The following TBC1D14 variants were observed in gnomAD, a reference collection of about 807,000 sequenced individuals.
TBC1D14 encodes TBC1 domain family member 14.
TBC1D14 carries 26 observed loss-of-function variants against 79.0 expected under a neutral mutation model. The ratio of observed to expected loss-of-function variants is 0.33; its 90% CI spans 0.24 to 0.46. The LOEUF is 0.46. Ranked by LOEUF, TBC1D14 falls within the 20% of genes least tolerant of loss-of-function variation. TBC1D14 has a pLI of 1.00. For missense variants in TBC1D14, 769 were observed against 887.6 expected, an observed-to-expected ratio of 0.87 and a Z score of 1.70; for synonymous variants, 394 against 349.9, an observed-to-expected ratio of 1.13 and a Z score of -1.40.
Position 6,994,285 on chromosome 4 carries a change from C to T in TBC1D14, c.945C>T (p.Ile315=), listed in dbSNP as rs1718792201. 6.2e-7 allele frequency: 1 copy of T among 1,614,002 alleles called. No homozygotes were observed. The change falls in exon 4 of 14, where the codon ATC becomes ATT. Residue 315 remains isoleucine, a synonymous_variant. Coordinates refer to ENST00000409757, the MANE Select transcript of TBC1D14 (RefSeq NM_020773.3). Reference sequence around the variant, plus strand: ...AACCACTTTCCACCACCGCACTCATCCTCGAGGACAGACCAGCGTGAGTTT... The same window carrying T: ...AACCACTTTCCACCACCGCACTCATTCTCGAGGACAGACCAGCGTGAGTTT... ...DFEPLSTTAL[I]LEDRPANLPA... is the part of the protein sequence containing the mutation.
chr4:6,985,649 A>T (rs1309728488), intron 3 of TBC1D14, among the ~76,000 whole-genome samples: 1 of 152,254 alleles, frequency 6.6e-6, no homozygotes, highest in Admixed American at 6.5e-5. Context: ...ACAAGTTAAT[A>T]TGTAACTTTA....
intron 2 of TBC1D14, among the ~76,000 whole-genome samples, chr4:6,950,650 T>C (rs1423698621): frequency 6.6e-6 from 1 of 152,220 alleles, no homozygotes; most frequent in Non-Finnish European, 1.5e-5. Flanking sequence ...CTGTTGTATT[T>C]TATTAAATGC....
chr4:6,962,084 A>G (rs1194187640), intron 2 of TBC1D14, among the ~76,000 whole-genome samples: 2 of 152,150 alleles, frequency 1.3e-5, no homozygotes, highest in African/African-American at 4.8e-5. Flanking sequence ...TTCTCCTCTC[A>G]TCTTTGCGGA....
In TBC1D14 at chr4:6,923,549, G is replaced by A. The variant is rs543768521; in HGVS notation, c.160G>A (p.Ala54Thr). ...GTACGGGCCCAAGCTGAAACTCAGGGCTTTAGAAGACCGGCACAGCCTCCA... is the reference window on the plus strand; with the variant it reads ...GTACGGGCCCAAGCTGAAACTCAGGACTTTAGAAGACCGGCACAGCCTCCA... ...PEYGPKLKLRALEDRHSLQSV... is the reference protein window; with the variant it reads ...PEYGPKLKLRTLEDRHSLQSV... The change falls in exon 2 of 14, where the codon GCT (alanine) becomes ACT (threonine). Residue 54 changes from alanine to threonine, a missense_variant. Coordinates refer to ENST00000409757, the MANE Select transcript of TBC1D14 (RefSeq NM_020773.3). The A allele has an allele frequency of 6.2e-7, 1 of 1,614,148 alleles. No individual in the cohort carries two copies. Among genetic ancestry groups the A allele is most frequent in the South Asian group, 1.1e-5 (1 of 91,088 alleles).
chr4:7,014,226 A>C (rs1385664110), intron 11 of TBC1D14, among the ~76,000 whole-genome samples: 2 of 152,184 alleles, frequency 1.3e-5, no homozygotes, highest in African/African-American at 2.4e-5. Context: ...CTTTTCTATG[A>C]ATTGAAGAAG....
At chr4:6,968,622 G>C (rs1577098357) in intron 3 of TBC1D14, among the ~76,000 whole-genome samples, 3 of 151,892 alleles carry the variant, frequency 2.0e-5, no homozygotes, top group Middle Eastern at 3.4e-3. Context: ...CAGGTAGTGG[G>C]GACAGCATGA....
chr4:6,972,370 C>G (rs1290855791), intron 3 of TBC1D14, among the ~76,000 whole-genome samples: 1 of 152,224 alleles, frequency 6.6e-6, no homozygotes, highest in Admixed American at 6.5e-5. Flanking sequence ...CGCCGGCCAC[C>G]AAATGCAAGC....
intron 12 of TBC1D14, among the ~76,000 whole-genome samples, chr4:7,022,034 T>C (rs776854651): frequency 6.6e-6 from 1 of 152,252 alleles, no homozygotes; most frequent in African/African-American, 2.4e-5. Context: ...GGCTTTCAAA[T>C]CTAAATGTGG....
chr4:7,027,217 ACCCCAAAAAAG>A (rs1211526079), intron 13 of TBC1D14, among the ~76,000 whole-genome samples: 3 of 151,784 alleles, frequency 2.0e-5, no homozygotes, highest in East Asian at 3.9e-4. Flanking sequence ...TCTCAAAAAA[ACCCCAAAAAAG>A]CAGGTCATTT....
intron 2 of TBC1D14, among the ~76,000 whole-genome samples, chr4:6,950,771 T>C (rs888923233): frequency 1.3e-5 from 2 of 152,260 alleles, no homozygotes; most frequent in African/African-American, 4.8e-5. Context: ...AACTTGTTCA[T>C]AATATATTAT....
At chr4:6,958,790 C>T (rs1425561635) in intron 2 of TBC1D14, among the ~76,000 whole-genome samples, 1 of 152,158 alleles carries the variant, frequency 6.6e-6, no homozygotes, top group Non-Finnish European at 1.5e-5. Context: ...AATCTTCTTT[C>T]TCTCACCCTC....
At chr4:6,941,627 A>G (rs1712919188) in intron 2 of TBC1D14, among the ~76,000 whole-genome samples, 2 of 130,646 alleles carry the variant, frequency 1.5e-5, no homozygotes, top group Non-Finnish European at 3.5e-5. Context: ...GACCTTCCTC[A>G]GCTTGCACAT....
intron 2 of TBC1D14, among the ~76,000 whole-genome samples, chr4:6,950,999 C>T (rs977474101): frequency 2.6e-5 from 4 of 152,134 alleles, no homozygotes; most frequent in Admixed American, 1.3e-4. Flanking sequence ...TGTTAAAACT[C>T]GTAGAACTGA....
intron 1 of TBC1D14, among the ~76,000 whole-genome samples, chr4:6,921,322 C>T (rs901852552): frequency 6.6e-6 from 1 of 151,598 alleles, no homozygotes; most frequent in African/African-American, 2.4e-5. Flanking sequence ...GATCCTCCCA[C>T]CTCAGCCTTT....
At chr4:7,006,578 T>C in intron 8 of TBC1D14, 54 bp from the exon 9 acceptor site, 1 of 1,509,092 alleles carries the variant, frequency 6.6e-7, no homozygotes, top group Non-Finnish European at 9.1e-7. Flanking sequence ...GGCTCGTAAT[T>C]GTCCTACATT....
chr4:6,968,437 A>G (rs1006244685), intron 3 of TBC1D14, among the ~76,000 whole-genome samples: 5 of 152,006 alleles, frequency 3.3e-5, no homozygotes, highest in Admixed American at 2.6e-4. Flanking sequence ...TTCCTTTAAA[A>G]CTCGCAACAA....
chr4:6,974,404 G>A (rs553254444), intron 3 of TBC1D14, among the ~76,000 whole-genome samples: 1 of 152,182 alleles, frequency 6.6e-6, no homozygotes, highest in Non-Finnish European at 1.5e-5. Flanking sequence ...GAAAGTACTG[G>A]GGGGATTGCA....
rs1041669044 is a variant in TBC1D14 at position 6,950,727 on chromosome 4, T to C, written c.723-16577T>C. 2.6e-5 allele frequency among the ~76,000 whole-genome samples: 4 copies of C among 152,364 alleles called. No homozygotes were observed. In the South Asian group the frequency reaches 6.2e-4, roughly 24 times the overall value. Reference sequence around the variant, plus strand: ...CATGGTAAAGAACGTATTTTTCTAATGTAAAATTAACTTCGCATTCTTAGA... The same window carrying C: ...CATGGTAAAGAACGTATTTTTCTAACGTAAAATTAACTTCGCATTCTTAGA... On this transcript the variant is annotated intron_variant, in intron 2 of 13. Transcript: ENST00000409757.
chr4:6,938,974 C>G (rs531438710), intron 2 of TBC1D14, among the ~76,000 whole-genome samples: 1 of 152,330 alleles, frequency 6.6e-6, no homozygotes, highest in Non-Finnish European at 1.5e-5. Flanking sequence ...CCCCCAGGCT[C>G]TGTGGGCTGG....
Sources: allele counts gnomAD v4.1 joint callset (sites outside exome capture counted in the v4.1 genomes callset), GRCh38; gene constraint gnomAD v4.1.1; transcripts MANE v1.5; gene names NCBI Gene and HGNC (gene_info 2026-07-23, HGNC 2026-07-21).